The following QTGAL variants were observed in gnomAD, a reference collection of about 807,000 sequenced individuals.
QTGAL encodes the protein BGnT-like protein 1.
chr17:82,983,970 G>C, the QTGAL span, among the ~76,000 whole-genome samples: 1 of 151,964 alleles, frequency 6.6e-6, no homozygotes, highest in Admixed American at 6.6e-5. Context: ...TGAGCACACA[G>C]AAGAGAGGCC....
the QTGAL span, among the ~76,000 whole-genome samples, chr17:83,043,073 G>A: frequency 2.6e-5 from 4 of 152,180 alleles, no homozygotes; most frequent in East Asian, 1.9e-4. Flanking sequence ...CAGTTCTACC[G>A]TAACAGTCGG....
the QTGAL span, chr17:82,942,694 T>C: frequency 3.0e-5 from 18 of 608,318 alleles, no homozygotes; most frequent in Non-Finnish European, 4.7e-5. Context: ...TATAAAATCA[T>C]GTACCAAGAA....
chr17:83,044,772 C>T, the QTGAL span, among the ~76,000 whole-genome samples: 6 of 152,170 alleles, frequency 3.9e-5, no homozygotes, highest in Non-Finnish European at 7.3e-5. Context: ...GGCGAAACCC[C>T]GTCTCTACTA....
At chr17:83,003,667 CTCCCACTCTCTGCAG>C in the QTGAL span, among the ~76,000 whole-genome samples, 1 of 5,568 alleles carries the variant, frequency 1.8e-4, no homozygotes, top group Non-Finnish European at 3.4e-4. Flanking sequence ...TGAGCTCGCC[CTCCCACTCTCTGCAG>C]TCCGCGTGTG....
At chr17:82,986,604 G>A in the QTGAL span, among the ~76,000 whole-genome samples, 2 of 152,222 alleles carry the variant, frequency 1.3e-5, no homozygotes, top group Non-Finnish European at 2.9e-5. Context: ...GAACTTGAAA[G>A]CTGGTGAAGC....
chr17:83,028,790 C>A, the QTGAL span, among the ~76,000 whole-genome samples: 1 of 152,164 alleles, frequency 6.6e-6, no homozygotes, highest in Non-Finnish European at 1.5e-5. Context: ...CAAGGTACAT[C>A]CACAGAAAGA....
chr17:82,964,859 G>A, the QTGAL span, among the ~76,000 whole-genome samples: 1 of 83,290 alleles, frequency 1.2e-5, no homozygotes, highest in Non-Finnish European at 2.4e-5. Flanking sequence ...ACGGACGCCT[G>A]CAGGTGCACC....
At chr17:82,955,728 G>A in the QTGAL span, among the ~76,000 whole-genome samples, 605 of 152,212 alleles carry the variant, frequency 4.0e-3, 2 homozygotes, top group African/African-American at 0.014. Context: ...ATTCACAATA[G>A]CAAAGACATG....
the QTGAL span, among the ~76,000 whole-genome samples, chr17:83,038,180 A>G: frequency 6.6e-6 from 1 of 152,216 alleles, no homozygotes; most frequent in East Asian, 1.9e-4. Flanking sequence ...AACTCTCCCT[A>G]TTCAAGAAAA....
the QTGAL span, among the ~76,000 whole-genome samples, chr17:83,002,890 GCGTGTGGGATTCCTGAGCCCGCCCTC>G: frequency 3.7e-5 from 1 of 26,792 alleles, no homozygotes; most frequent in South Asian, 1.3e-3. Context: ...CCCGCCCTCC[GCGTGTGGGATTCCTGAGCCCGCCCTC>G]CCGCCCTCCG....
chr17:82,986,662 G>A, the QTGAL span, among the ~76,000 whole-genome samples: 2 of 152,232 alleles, frequency 1.3e-5, no homozygotes, highest in African/African-American at 4.8e-5. Context: ...TGATCACTGT[G>A]AACTCACTTA....
chr17:83,032,723 T>C, the QTGAL span, among the ~76,000 whole-genome samples: 6 of 151,988 alleles, frequency 3.9e-5, no homozygotes, highest in Non-Finnish European at 8.8e-5. Context: ...GGGCTGAAGG[T>C]TCTGTGTAAG....
the QTGAL span, among the ~76,000 whole-genome samples, chr17:83,007,975 C>G: frequency 1.5e-3 from 221 of 150,388 alleles, 1 homozygote; most frequent in Middle Eastern, 0.01. Flanking sequence ...GGATTCCAGA[C>G]AGACCAACAG....
the QTGAL span, among the ~76,000 whole-genome samples, chr17:83,032,839 G>A: frequency 6.6e-6 from 1 of 152,200 alleles, no homozygotes; most frequent in East Asian, 1.9e-4. Context: ...TGGGGGTTCC[G>A]CCTTCCCGAG....
At chr17:82,971,957 G>C in the QTGAL span, among the ~76,000 whole-genome samples, 1 of 4,682 alleles carries the variant, frequency 2.1e-4, no homozygotes. Flanking sequence ...ACCTGGTGCC[G>C]ACCACACCAC....
At chr17:82,954,319 C>T in the QTGAL span, among the ~76,000 whole-genome samples, 1 of 152,156 alleles carries the variant, frequency 6.6e-6, no homozygotes, top group East Asian at 1.9e-4. Flanking sequence ...AATCGATGTG[C>T]AAAAATCACG....
chr17:82,978,269 T>C, the QTGAL span, among the ~76,000 whole-genome samples: 1 of 152,086 alleles, frequency 6.6e-6, no homozygotes, highest in South Asian at 2.1e-4. The surrounding 1 kb of genome is among the most constrained non-coding windows in gnomAD (Gnocchi z 4.8). Flanking sequence ...CCTTCCTCAG[T>C]TTGCTTCCTA....
chr17:83,024,939 C>T, the QTGAL span, among the ~76,000 whole-genome samples: 2 of 152,366 alleles, frequency 1.3e-5, no homozygotes, highest in South Asian at 4.1e-4. Context: ...AAGCAGCCGG[C>T]AGCTGCAAGA....
At chr17:83,032,969 G>A in the QTGAL span, among the ~76,000 whole-genome samples, 1 of 152,232 alleles carries the variant, frequency 6.6e-6, no homozygotes, top group Non-Finnish European at 1.5e-5. Flanking sequence ...AGCTGGGTCA[G>A]GAGGAGAGGA....
Sources: gnomAD v4.1 joint callset for allele counts (sites outside exome capture counted in the v4.1 genomes callset) on GRCh38, gnomAD v4.1.1 for gene constraint, Gnocchi (gnomAD v3.1) non-coding constraint, MANE v1.5 for transcripts, NCBI Gene and HGNC (gene_info 2026-07-23, HGNC 2026-07-21) for gene names.